Variants in GABRB2 observed in about 807,000 individuals in gnomAD.
GABRB2 encodes the protein gamma-aminobutyric acid type A receptor subunit beta2.
In GABRB2, 16 loss-of-function variants were observed where a neutral mutation model predicts 54.7. The ratio of observed to expected loss-of-function variants is 0.29; its 90% CI spans 0.20 to 0.44. The LOEUF (loss-of-function observed/expected upper bound fraction) is 0.44. Ranked by LOEUF, GABRB2 falls within the 20% of genes least tolerant of loss-of-function variation. The probability of loss-of-function intolerance (pLI) is 1.00; values close to 1 mark genes in which losing one functional copy is unlikely to be tolerated. For synonymous variants in GABRB2, 244 were observed against 233.8 expected, an observed-to-expected ratio of 1.04 and a Z score of -0.40; for missense variants, 355 against 644.0, an observed-to-expected ratio of 0.55 and a Z score of 4.86.
chr5:161,374,716 T>C (rs1239063358), intron 5 of GABRB2, among the ~76,000 whole-genome samples: 1 of 152,206 alleles, frequency 6.6e-6, no homozygotes, highest in East Asian at 1.9e-4. Context: ...TCATGATCAC[T>C]GTATATTGCT....
At chr5:161,330,042 T>C (rs1418643596) in intron 8 of GABRB2, 2 of 152,214 alleles carry the variant, frequency 1.3e-5, no homozygotes, top group African/African-American at 4.8e-5. Context: ...AAAATTGTGT[T>C]GCCCATGCTT....
Position 161,506,036 on chromosome 5 carries a change from G to GTA in GABRB2, c.237+39189_237+39190dup, listed in dbSNP as rs754792115. ...TTTCATAAATGACATGATTTTGTGTGTATATATATATATGTATATATAACC... is the reference window on the plus strand; with the variant it reads ...TTTCATAAATGACATGATTTTGTGTGTATATATATATATATGTATATATAACC... On this transcript the variant is annotated intron_variant, in intron 3 of 9. Coordinates refer to ENST00000393959, the MANE Select transcript of GABRB2 (RefSeq NM_001371727.1). 3.4e-3 allele frequency among the ~76,000 whole-genome samples: 513 copies of GTA among 151,066 alleles called. 2 individuals are homozygous for GTA. The highest frequency in any genetic ancestry group is 4.3e-3 in the Non-Finnish European group (288 of 67,718).
intron 4 of GABRB2, among the ~76,000 whole-genome samples, chr5:161,436,838 A>G (rs951007578): frequency 1.3e-5 from 2 of 152,022 alleles, no homozygotes; most frequent in Admixed American, 6.6e-5. Flanking sequence ...GGGAAGGGAG[A>G]ACACAGCAAT....
At chr5:161,495,826 C>T (rs528138408) in intron 3 of GABRB2, among the ~76,000 whole-genome samples, 9 of 152,052 alleles carry the variant, frequency 5.9e-5, no homozygotes, top group African/African-American at 1.9e-4. Context: ...AGTTCCCTAT[C>T]CTTATATCTT....
intron 5 of GABRB2, among the ~76,000 whole-genome samples, chr5:161,359,137 CA>C (rs1276436917): frequency 6.6e-6 from 1 of 151,848 alleles, no homozygotes; most frequent in Admixed American, 6.6e-5. Context: ...GGGGAAAAAA[CA>C]AAAAACCCCT....
At chr5:161,335,607 T>G (rs1753969396) in intron 6 of GABRB2, among the ~76,000 whole-genome samples, 1 of 152,122 alleles carries the variant, frequency 6.6e-6, no homozygotes, top group Admixed American at 6.5e-5. Flanking sequence ...CTATAGGAAG[T>G]TCACATGATA....
chr5:161,501,746 C>T (rs1036884112), intron 3 of GABRB2, among the ~76,000 whole-genome samples: 1 of 150,536 alleles, frequency 6.6e-6, no homozygotes, highest in African/African-American at 2.4e-5. Context: ...CAAAAGAAAA[C>T]CAGATAAGTT....
chr5:161,447,758 A>C (rs1161903396), intron 4 of GABRB2, among the ~76,000 whole-genome samples: 1 of 152,192 alleles, frequency 6.6e-6, no homozygotes, highest in African/African-American at 2.4e-5. Context: ...ACTTTTACCA[A>C]AAGTCTTTTA....
intron 3 of GABRB2, among the ~76,000 whole-genome samples, chr5:161,531,319 T>C (rs1216360473): frequency 6.6e-6 from 1 of 152,172 alleles, no homozygotes; most frequent in Non-Finnish European, 1.5e-5. Flanking sequence ...ATGAAAATTC[T>C]ATATCCTCAC....
intron 4 of GABRB2, among the ~76,000 whole-genome samples, chr5:161,426,849 G>GA (rs796319213): frequency 4.0e-5 from 6 of 151,428 alleles, no homozygotes; most frequent in South Asian, 4.2e-4. Flanking sequence ...ATCTCTGGAT[G>GA]AAAAAAAAGA....
intron 4 of GABRB2, among the ~76,000 whole-genome samples, chr5:161,434,029 T>C (rs1471733983): frequency 6.6e-6 from 1 of 152,142 alleles, no homozygotes; most frequent in Non-Finnish European, 1.5e-5. Context: ...TCTTTTCCTA[T>C]GTATTCGAAT....
chr5:161,484,714 A>T (rs769551853), intron 3 of GABRB2, among the ~76,000 whole-genome samples: 2 of 151,942 alleles, frequency 1.3e-5, no homozygotes, highest in Non-Finnish European at 2.9e-5. Flanking sequence ...AATTGTCTCT[A>T]TCTCACAGCC....
At chr5:161,456,897 G>C (rs1007701335) in intron 4 of GABRB2, among the ~76,000 whole-genome samples, 1 of 152,118 alleles carries the variant, frequency 6.6e-6, no homozygotes, top group Non-Finnish European at 1.5e-5. Context: ...AAGTATTGTA[G>C]AATCAACTGT....
At chr5:161,360,407 T>C (rs1193282807) in intron 5 of GABRB2, among the ~76,000 whole-genome samples, 3 of 152,218 alleles carry the variant, frequency 2.0e-5, no homozygotes, top group East Asian at 1.9e-4. Context: ...GGGGATAATA[T>C]GGATATCAAT....
intron 5 of GABRB2, among the ~76,000 whole-genome samples, chr5:161,398,287 C>T (rs1376907714): frequency 6.6e-6 from 1 of 152,116 alleles, no homozygotes; most frequent in Non-Finnish European, 1.5e-5. Context: ...TGATAAATTT[C>T]CTGACTGGCT....
chr5:161,466,155 A>G (rs1055922806), intron 3 of GABRB2, among the ~76,000 whole-genome samples: 10 of 151,972 alleles, frequency 6.6e-5, no homozygotes, highest in African/African-American at 2.4e-4. Context: ...TTGAGATTAT[A>G]CCATTTGGGT....
chr5:161,392,504 G>A (rs573869497), intron 5 of GABRB2, among the ~76,000 whole-genome samples: 3 of 152,296 alleles, frequency 2.0e-5, no homozygotes, highest in Admixed American at 1.3e-4. Context: ...ACAAAATGGT[G>A]CAAGAGAGGT....
rs879667091 is a variant in GABRB2, at chr5:161,516,039, T to TAA, written c.237+29187_237+29188insTT. ...GAAAATAAGCCTGGACTTTGTAGTGTCACTCCTAAGCCTTGGAGTCTTCAC... is the reference window on the plus strand; with the variant it reads ...GAAAATAAGCCTGGACTTTGTAGTGTAACACTCCTAAGCCTTGGAGTCTTCAC... On this transcript the variant is annotated intron_variant, in intron 3 of 9. Coordinates refer to ENST00000393959, the MANE Select transcript of GABRB2 (RefSeq NM_001371727.1). Among the ~76,000 whole-genome samples the TAA allele has an allele frequency of 8.9e-3, 1,358 of 152,322 alleles. 8 individuals are homozygous for TAA. The highest frequency in any genetic ancestry group is 0.013 in the Non-Finnish European group (882 of 68,026).
intron 3 of GABRB2, among the ~76,000 whole-genome samples, chr5:161,538,127 T>C (rs1484790152): frequency 6.6e-6 from 1 of 152,136 alleles, no homozygotes; most frequent in Non-Finnish European, 1.5e-5. Context: ...TTGTGCGCTA[T>C]GATTCTGTGT....
Sources: allele counts gnomAD v4.1 joint callset (sites outside exome capture counted in the v4.1 genomes callset), GRCh38; gene constraint gnomAD v4.1.1; transcripts MANE v1.5; gene names NCBI Gene and HGNC (gene_info 2026-07-23, HGNC 2026-07-21).